AHI1: variants seen among roughly 807,000 people sequenced by gnomAD.
AHI1 encodes the protein jouberin.
A neutral mutation model predicts 149.3 loss-of-function variants in AHI1; 123 were observed. The ratio of observed to expected loss-of-function variants is 0.82; its 90% CI spans 0.71 to 0.96. AHI1 has a LOEUF of 0.96. Among genes scored for constraint, AHI1 ranks in the 40% least tolerant of loss-of-function variants. AHI1 has a pLI of 0.00. For missense variants in AHI1, 1,439 were observed against 1,422.7 expected, an observed-to-expected ratio of 1.01 and a Z score of -0.18; for synonymous variants, 475 against 459.8, an observed-to-expected ratio of 1.03 and a Z score of -0.42.
At chr6:135,361,645 T>TCACACA (rs57786531) in intron 23 of AHI1, among the ~76,000 whole-genome samples, 1,413 of 133,874 alleles carry the variant, frequency 0.011, 8 homozygotes, top group Non-Finnish European at 0.011. Context: ...AGGTATGGTT[T>TCACACA]CACACACACA....
At chr6:135,438,239 G>T in intron 15 of AHI1, 136 bp downstream of exon 15, 2 of 751,554 alleles carry the variant, frequency 2.7e-6, no homozygotes, top group Non-Finnish European at 3.9e-6. Flanking sequence ...GAATCAGTCT[G>T]CATGATGCAT....
intron 24 of AHI1, among the ~76,000 whole-genome samples, chr6:135,327,088 G>T (rs1257049115): frequency 6.6e-6 from 1 of 152,196 alleles, no homozygotes. Flanking sequence ...TTTTAAAATG[G>T]ATGAGTAGCA....
chr6:135,327,853 T>C (rs1787937789), intron 24 of AHI1, among the ~76,000 whole-genome samples: 1 of 152,208 alleles, frequency 6.6e-6, no homozygotes, highest in Non-Finnish European at 1.5e-5. Context: ...AGGAGAGTCA[T>C]GCCCCAGGGA....
rs938227388 is a variant in AHI1 at position 135,285,536 on chromosome 6, T to C, written c.*109A>G. 4 of 1,177,236 alleles carry C rather than the reference T, an allele frequency of 3.4e-6. No homozygotes were observed. The Admixed American group carries it at 7.8e-5, about 23-fold the overall frequency. 72.9% of individuals were successfully genotyped at this position (1,177,236 alleles called of 1,614,324 possible). Reference sequence around the variant, plus strand: ...CATAAGAACAAGAAGTAGTGGATCCTTTCTTCCTCCTTAGTATCTGAAAAT... The same window carrying C: ...CATAAGAACAAGAAGTAGTGGATCCCTTCTTCCTCCTTAGTATCTGAAAAT... On this transcript the variant is annotated 3_prime_UTR_variant, in exon 29 of 29. Transcript: ENST00000265602.
chr6:135,450,471 T>A (rs533832517), intron 11 of AHI1, among the ~76,000 whole-genome samples: 9 of 151,946 alleles, frequency 5.9e-5, no homozygotes, highest in Admixed American at 1.3e-4. Context: ...ACAATGGAGG[T>A]TATAAGCTGA....
At chr6:135,336,131 A>T (rs990343767) in intron 24 of AHI1, among the ~76,000 whole-genome samples, 5 of 151,626 alleles carry the variant, frequency 3.3e-5, no homozygotes, top group African/African-American at 1.2e-4. Context: ...AAAAAAAAAA[A>T]AAAAATTCCA....
At chr6:135,458,689 T>C (rs1235122973) in intron 8 of AHI1, among the ~76,000 whole-genome samples, 1 of 152,134 alleles carries the variant, frequency 6.6e-6, no homozygotes, top group East Asian at 1.9e-4. Context: ...AGCGGATATT[T>C]TGGCATGCTT....
Position 135,328,432 on chromosome 6 carries a change from TGGTGATCTATGATA to T in AHI1, c.3166-5122_3166-5109del, listed in dbSNP as rs538592860. Among the ~76,000 whole-genome samples the T allele has an allele frequency of 2.7e-3, 406 of 152,336 alleles. 1 individual carries two copies. The highest frequency in any genetic ancestry group is 9.1e-3 in the African/African-American group (379 of 41,566). On this transcript the variant is annotated intron_variant, in intron 24 of 28. Transcript: ENST00000265602. ...TTTTCCTTTATTATTATATCTGTTA[TGGTGATCTATGATA>T]GGTGATCTTTGATGCTACCAATGTA... is the stretch of plus-strand genomic sequence containing the variant.
At position 135,428,645 on chromosome 6, in the gene AHI1, A is replaced by G; in HGVS notation, c.2607T>C (p.Val869=). ...FAGSEDGIVY[V]WNPETGEQVA... is the part of the protein sequence containing the mutation. ...AACATTCACCTGTTTCTGGGTTCCA[A>G]ACATACACTATACCATCCTCACTTC... Residue 869 remains valine (V), a synonymous_variant, in exon 19 of 29, where the codon GTT becomes GTC. Coordinates refer to ENST00000265602, the MANE Select transcript of AHI1 (RefSeq NM_001134831.2). 6.2e-7 allele frequency: 1 copy of G among 1,604,998 alleles called. No individual in the cohort carries two copies. Among genetic ancestry groups the G allele is most frequent in the Non-Finnish European group, 8.5e-7 (1 of 1,175,008 alleles).
intron 20 of AHI1, among the ~76,000 whole-genome samples, chr6:135,413,692 C>A (rs1261986614): frequency 6.6e-6 from 1 of 151,114 alleles, no homozygotes; most frequent in East Asian, 1.9e-4. Flanking sequence ...ACACAAAAAT[C>A]ATCTATATGT....
At chr6:135,436,426 A>G (rs766477324) in intron 15 of AHI1, among the ~76,000 whole-genome samples, 1 of 152,218 alleles carries the variant, frequency 6.6e-6, no homozygotes, top group Non-Finnish European at 1.5e-5. Context: ...GAAACTGCCA[A>G]CCTCTGAAGA....
intron 7 of AHI1, 119 bp downstream of exon 7, chr6:135,465,695 A>G (rs2128097241): frequency 1.2e-6 from 1 of 804,556 alleles, no homozygotes; most frequent in Admixed American, 3.7e-5. Context: ...TATCTTAGTG[A>G]CAATGTCTCC....
intron 23 of AHI1, among the ~76,000 whole-genome samples, chr6:135,389,307 TAA>T (rs773530746): frequency 0.012 from 1,169 of 96,862 alleles, 16 homozygotes; most frequent in African/African-American, 0.042. Context: ...AGACTCTGTC[TAA>T]AAAAAAAAAA....
intron 3 of AHI1, chr6:135,495,606 C>T (rs943206466): frequency 2.0e-5 from 3 of 152,258 alleles, no homozygotes; most frequent in African/African-American, 7.2e-5. Context: ...GCTCCCTCTA[C>T]CTCAACCTTG....
In AHI1 at chr6:135,432,983, A is replaced by G. The variant is rs781286072; in HGVS notation, c.2266+44T>C. The stretch of plus-strand genomic sequence containing the variant: ...AAATAACTATTATTCTGGTAAAAAA[A>G]AATTCTTCACATAGCTGGTCTTCAT... On this transcript the variant is annotated intron_variant, in intron 16 of 28. Transcript: ENST00000265602. 8.9e-6 allele frequency: 13 copies of G among 1,466,686 alleles called. No individual in the cohort carries two copies. In the South Asian group the frequency reaches 1.5e-4, roughly 17 times the overall value. The allele number at this position is 1,466,686 out of a possible 1,614,324, so 90.9% of individuals were successfully genotyped here.
At chr6:135,315,220 A>C (rs904269620) in intron 26 of AHI1, among the ~76,000 whole-genome samples, 11 of 152,150 alleles carry the variant, frequency 7.2e-5, no homozygotes, top group Non-Finnish European at 1.6e-4. Flanking sequence ...CTCTAATAAC[A>C]TGTTCCTCAA....
chr6:135,483,849 T>C (rs1286191881), intron 5 of AHI1, among the ~76,000 whole-genome samples: 1 of 152,174 alleles, frequency 6.6e-6, no homozygotes, highest in East Asian at 1.9e-4. Context: ...GCAGGCACTG[T>C]TCAAATTTAG....
intron 5 of AHI1, among the ~76,000 whole-genome samples, chr6:135,485,063 T>C (rs756427141): frequency 8.6e-5 from 13 of 151,220 alleles, no homozygotes; most frequent in Admixed American, 2.0e-4. Context: ...ATTAATTATA[T>C]GTACAATTTC....
At chr6:135,360,658 A>T (rs377272136) in intron 23 of AHI1, among the ~76,000 whole-genome samples, 2 of 152,254 alleles carry the variant, frequency 1.3e-5, no homozygotes, top group South Asian at 2.1e-4. Flanking sequence ...TGAAATAAAT[A>T]AAAATGCTAT....
Sources: gnomAD v4.1 joint callset for allele counts (sites outside exome capture counted in the v4.1 genomes callset) on GRCh38, gnomAD v4.1.1 for gene constraint, MANE v1.5 for transcripts, NCBI Gene and HGNC (gene_info 2026-07-23, HGNC 2026-07-21) for gene names.